Variants in TRAPPC6B observed in about 807,000 individuals in gnomAD.
The protein encoded by TRAPPC6B is TRAPP complex subunit 6B.
TRAPPC6B carries 27 observed loss-of-function variants against 24.7 expected under a neutral mutation model. The observed-to-expected ratio is 1.09, with a 90% CI of 0.81 to 1.51. The LOEUF is 1.51. TRAPPC6B is among the 40% of genes most tolerant of loss of function. TRAPPC6B has a pLI of 0.00. For synonymous variants in TRAPPC6B, 80 were observed against 66.6 expected, an observed-to-expected ratio of 1.20 and a Z score of -0.98; for missense variants, 212 against 190.8, an observed-to-expected ratio of 1.11 and a Z score of -0.66.
chr14:39,151,435 G>A (rs1000221466), intron 5 of TRAPPC6B, among the ~76,000 whole-genome samples: 1 of 149,812 alleles, frequency 6.7e-6, no homozygotes, highest in Non-Finnish European at 1.5e-5. Context: ...ATGTTCTAGG[G>A]AAATTTGCTA....
In TRAPPC6B at chr14:39,150,131, G is replaced by T. The variant is rs988263020; in HGVS notation, c.*219C>A. 1.3e-5 allele frequency: 6 copies of T among 457,448 alleles called. No homozygotes were observed. The highest frequency in any genetic ancestry group is 4.1e-5 in the African/African-American group (2 of 48,304). 28.3% of individuals were successfully genotyped at this position (457,448 alleles called of 1,614,324 possible). On this transcript the variant is annotated 3_prime_UTR_variant, in exon 6 of 6. Coordinates refer to ENST00000330149, the MANE Select transcript of TRAPPC6B (RefSeq NM_001079537.2). The stretch of plus-strand genomic sequence containing the variant: ...ATAAGGGCCCTGCATCTTGGTGTCT[G>T]GTTATTTGAAATCCGGTTTTCATTT...
At position 39,150,309 on chromosome 14, in the gene TRAPPC6B, T is replaced by C. The variant is rs1566544468; in HGVS notation, c.*41A>G. On this transcript the variant is annotated 3_prime_UTR_variant, in exon 6 of 6. Coordinates refer to ENST00000330149, the MANE Select transcript of TRAPPC6B (RefSeq NM_001079537.2). ...CTTGAAATACTTTTACATGAATAAT[T>C]TATCTCTTTACACTGTTGAAGCCTT... is the stretch of plus-strand genomic sequence containing the variant. The C allele has an allele frequency of 1.3e-6, 2 of 1,534,072 alleles. No homozygotes were observed. The highest frequency in any genetic ancestry group is 2.8e-5 in the African/African-American group (2 of 72,180).
rs1001086477 is a variant in TRAPPC6B at position 39,149,187 on chromosome 14, T to C, written c.*1163A>G. On this transcript the variant is annotated 3_prime_UTR_variant, in exon 6 of 6. Coordinates refer to ENST00000330149, the MANE Select transcript of TRAPPC6B (RefSeq NM_001079537.2). The stretch of plus-strand genomic sequence containing the variant: ...TTGAGTTTTCTTTAATGTCCTAAAG[T>C]ACATTTTTATAGTTTTTATTTTGTG... 1 of 155,504 alleles carries C rather than the reference T, an allele frequency of 6.4e-6. No individual in the cohort carries two copies. The highest frequency in any genetic ancestry group is 1.4e-5 in the Non-Finnish European group (1 of 70,368). The allele number at this position is 155,504 out of a possible 1,614,324, so 9.6% of individuals were successfully genotyped here. A position where few individuals can be genotyped will look rare whatever the true frequency, so the allele number is the denominator to read the frequency against.
chr14:39,148,955 A>C lies in TRAPPC6B; in HGVS notation c.*1395T>G, dbSNP rs778358183. ...TGAATACTGTAGGACACTGTAACAC[A>C]ATGGTAAGTACTTGCATATCTAAAC... On this transcript the variant is annotated 3_prime_UTR_variant, in exon 6 of 6. Coordinates refer to ENST00000330149, the MANE Select transcript of TRAPPC6B (RefSeq NM_001079537.2). The C allele has an allele frequency of 2.6e-6, 1 of 390,056 alleles. No homozygotes were observed. Among genetic ancestry groups the C allele is most frequent in the Non-Finnish European group, 4.5e-6 (1 of 221,634 alleles). The allele number at this position is 390,056 out of a possible 1,614,324, so 24.2% of individuals were successfully genotyped here.
chr14:39,157,318 C>T, intron 3 of TRAPPC6B: 1 of 371,216 alleles, frequency 2.7e-6, no homozygotes, highest in East Asian at 7.1e-5. Flanking sequence ...CACCCAGGCC[C>T]TGCACCGCCA....
rs78733054 is a variant in TRAPPC6B, at chr14:39,148,831, A to G, written c.*1519T>C. On this transcript the variant is annotated 3_prime_UTR_variant, in exon 6 of 6. Transcript: ENST00000330149. ...GGAGATTTTAAAATTGTACAATCAC[A>G]GAGTGTACTTACACAAACCTAGATG... 3 of 398,100 alleles carry G rather than the reference A, an allele frequency of 7.5e-6. No individual in the cohort carries two copies. The East Asian group carries it at 1.1e-4, about 14-fold the overall frequency. 24.7% of individuals were successfully genotyped at this position (398,100 alleles called of 1,614,324 possible). A position where few individuals can be genotyped will look rare whatever the true frequency, so the allele number is the denominator to read the frequency against.
chr14:39,170,112 C>T lies in TRAPPC6B; in HGVS notation c.-17G>A. The T allele has an allele frequency of 6.2e-7, 1 of 1,613,946 alleles. No homozygotes were observed. The highest frequency in any genetic ancestry group is 8.5e-7 in the Non-Finnish European group (1 of 1,179,880). On this transcript the variant is annotated 5_prime_UTR_variant, in exon 1 of 6. Transcript: ENST00000330149. ...ATCCGCCATTTCCTGCTAATTCTTC[C>T]AAGCTTCGAGTTTTGGCTCCCGTTT...
Position 39,148,549 on chromosome 14 carries a change from A to C in TRAPPC6B, c.*1801T>G. ...CTAACAAACCAACTTATTTGAACCC[A>C]GCTTTTTCACACACACAATTCTCAC... On this transcript the variant is annotated 3_prime_UTR_variant, in exon 6 of 6. Transcript: ENST00000330149. 2.5e-6 allele frequency: 1 copy of C among 397,780 alleles called. No homozygotes were observed. The highest frequency in any genetic ancestry group is 4.4e-6 in the Non-Finnish European group (1 of 225,670). 24.6% of individuals were successfully genotyped at this position (397,780 alleles called of 1,614,324 possible). A position where few individuals can be genotyped will look rare whatever the true frequency, so the allele number is the denominator to read the frequency against.
At chr14:39,150,506 C>T (rs2052898877) in intron 5 of TRAPPC6B, 125 bp from the exon 6 acceptor site, 7 of 675,000 alleles carry the variant, frequency 1.0e-5, no homozygotes, top group African/African-American at 1.9e-5. Context: ...AAAACTTTTT[C>T]GCATTCTTCA....
intron 4 of TRAPPC6B, among the ~76,000 whole-genome samples, chr14:39,153,896 G>C (rs1298278531): frequency 6.6e-6 from 1 of 151,976 alleles, no homozygotes; most frequent in Non-Finnish European, 1.5e-5. Context: ...GTAGAGAAAG[G>C]GTTTCCCCAT....
rs2052883778 is a variant in TRAPPC6B at position 39,148,733 on chromosome 14, CAT to C, written c.*1615_*1616del. 1 of 398,224 alleles carries C rather than the reference CAT, an allele frequency of 2.5e-6. No individual in the cohort carries two copies. The highest frequency in any genetic ancestry group is 1.3e-4 in the South Asian group (1 of 7,840). The allele number at this position is 398,224 out of a possible 1,614,324, so 24.7% of individuals were successfully genotyped here. On this transcript the variant is annotated 3_prime_UTR_variant, in exon 6 of 6. Transcript: ENST00000330149. The stretch of plus-strand genomic sequence containing the variant: ...CAAAATTAAAATTTTTTCCCCAAAA[CAT>C]GTGAGAATTAGGATTGCAGTCATGC...
chr14:39,151,074 C>T (rs76545780), intron 5 of TRAPPC6B, among the ~76,000 whole-genome samples: 4,569 of 152,068 alleles, frequency 0.03, 236 homozygotes, highest in African/African-American at 0.1. Context: ...ATATAATAGA[C>T]ATATCCTAAA....
At chr14:39,158,623 G>A in intron 2 of TRAPPC6B, 1 of 418,036 alleles carries the variant, frequency 2.4e-6, no homozygotes, top group Non-Finnish European at 4.2e-6. Context: ...CCAGGCTCAA[G>A]CTATCCTCCC....
intron 1 of TRAPPC6B, among the ~76,000 whole-genome samples, chr14:39,160,194 C>T (rs1469252629): frequency 6.6e-6 from 1 of 152,028 alleles, no homozygotes; most frequent in Admixed American, 6.6e-5. Flanking sequence ...AGGATAGTAA[C>T]CAGATGTAAC....
At chr14:39,166,061 CA>C (rs2053104907) in intron 1 of TRAPPC6B, among the ~76,000 whole-genome samples, 2 of 151,968 alleles carry the variant, frequency 1.3e-5, no homozygotes, top group Admixed American at 1.3e-4. Flanking sequence ...CTTGGCCTCC[CA>C]AAGTGCTAGG....
chr14:39,156,904 A>G, intron 3 of TRAPPC6B: 1 of 153,886 alleles, frequency 6.5e-6, no homozygotes, highest in Non-Finnish European at 1.4e-5. Context: ...TGAGGTCAGG[A>G]GTTCGAGACC....
At position 39,170,012 on chromosome 14, in the gene TRAPPC6B, C is replaced by A. The variant is rs951012665; in HGVS notation, c.81+3G>T. ...GACCTCAAGGTTGTGTGGCAGCACTCACCACCTCCCCCTGCTCCGCGGACT... is the reference window on the plus strand; with the variant it reads ...GACCTCAAGGTTGTGTGGCAGCACTAACCACCTCCCCCTGCTCCGCGGACT... On this transcript the variant is annotated splice_donor_region_variant and intron_variant, in intron 1 of 5. Transcript: ENST00000330149. 2 of 1,613,984 alleles carry A rather than the reference C, an allele frequency of 1.2e-6. No individual in the cohort carries two copies. Among genetic ancestry groups the A allele is most frequent in the Non-Finnish European group, 1.7e-6 (2 of 1,180,000 alleles).
At chr14:39,153,469 T>G (rs2052938696) in intron 4 of TRAPPC6B, among the ~76,000 whole-genome samples, 1 of 130,156 alleles carries the variant, frequency 7.7e-6, no homozygotes, top group African/African-American at 3.4e-5. Flanking sequence ...CTCTAAAAAA[T>G]TTTTTTAAAA....
In TRAPPC6B at chr14:39,150,247, T is replaced by G; in HGVS notation, c.*103A>C. 4.1e-6 allele frequency: 4 copies of G among 971,538 alleles called. No homozygotes were observed. Among genetic ancestry groups the G allele is most frequent in the Non-Finnish European group, 6.2e-6 (4 of 648,608 alleles). 60.2% of individuals were successfully genotyped at this position (971,538 alleles called of 1,614,324 possible). A position where few individuals can be genotyped will look rare whatever the true frequency, so the allele number is the denominator to read the frequency against. ...ATTGATAAAAATACATGCTTACTCC[T>G]GTACAAACATCGAACAATGTAATTA... On this transcript the variant is annotated 3_prime_UTR_variant, in exon 6 of 6. Transcript: ENST00000330149.
Sources: allele counts gnomAD v4.1 joint callset (sites outside exome capture counted in the v4.1 genomes callset), GRCh38; gene constraint gnomAD v4.1.1; transcripts MANE v1.5; gene names NCBI Gene and HGNC (gene_info 2026-07-23, HGNC 2026-07-21).